Variants in ATP13A5 observed in about 807,000 individuals in gnomAD.
ATP13A5 encodes probable cation-transporting ATPase 13A5.
In ATP13A5, 149 loss-of-function variants were observed where a neutral mutation model predicts 150.2. The observed-to-expected ratio is 0.99, with a 90% CI of 0.87 to 1.14. The LOEUF is 1.14. Ranked by LOEUF, ATP13A5 falls within the 50% of genes most tolerant of loss-of-function variation. The pLI, the probability that ATP13A5 is intolerant of heterozygous loss-of-function variation, is 0.00. For synonymous variants in ATP13A5, 497 were observed against 522.2 expected, an observed-to-expected ratio of 0.95 and a Z score of 0.66; for missense variants, 1,383 against 1,449.3, an observed-to-expected ratio of 0.95 and a Z score of 0.74.
At chr3:193,298,759 A>T (rs1273757437) in intron 25 of ATP13A5, among the ~76,000 whole-genome samples, 2 of 152,144 alleles carry the variant, frequency 1.3e-5, no homozygotes, top group Non-Finnish European at 2.9e-5. Context: ...CACATCAAAG[A>T]CCTAGAAAAA....
chr3:193,303,478 G>T (rs1000300791), intron 23 of ATP13A5, among the ~76,000 whole-genome samples: 19 of 151,996 alleles, frequency 1.3e-4, no homozygotes, highest in African/African-American at 4.4e-4. Flanking sequence ...TATAAAACAT[G>T]CCTGATGCAT....
chr3:193,356,851 T>C (rs1358693773), intron 5 of ATP13A5, among the ~76,000 whole-genome samples: 1 of 152,184 alleles, frequency 6.6e-6, no homozygotes, highest in African/African-American at 2.4e-5. Context: ...TGTCTTGCTC[T>C]GTCGCCCAGG....
At chr3:193,296,347 C>G (rs1718169509) in intron 25 of ATP13A5, among the ~76,000 whole-genome samples, 1 of 151,930 alleles carries the variant, frequency 6.6e-6, no homozygotes, top group Admixed American at 6.6e-5. Context: ...GGGCATTTGA[C>G]AGGATATTTT....
chr3:193,327,679 G>T (rs778928647), intron 12 of ATP13A5, among the ~76,000 whole-genome samples: 1 of 152,202 alleles, frequency 6.6e-6, no homozygotes, highest in Non-Finnish European at 1.5e-5. Context: ...TACTATGGGA[G>T]AGTATTTGTT....
intron 1 of ATP13A5, among the ~76,000 whole-genome samples, chr3:193,371,877 G>T (rs1435025465): frequency 2.6e-5 from 4 of 151,904 alleles, no homozygotes; most frequent in African/African-American, 9.7e-5. Flanking sequence ...TTTTTCCATA[G>T]AACATAATAT....
chr3:193,357,043 T>G (rs1362845381), intron 5 of ATP13A5, among the ~76,000 whole-genome samples: 1 of 152,152 alleles, frequency 6.6e-6, no homozygotes, highest in Non-Finnish European at 1.5e-5. Flanking sequence ...CTCAAACCCC[T>G]GACCTCGTGA....
chr3:193,296,949 G>A (rs372769065), intron 25 of ATP13A5, among the ~76,000 whole-genome samples: 3 of 152,104 alleles, frequency 2.0e-5, no homozygotes, highest in East Asian at 1.9e-4. Flanking sequence ...GACAAAACAC[G>A]CTGGGGCCTG....
chr3:193,349,477 A>G (rs60565040), intron 7 of ATP13A5, among the ~76,000 whole-genome samples: 82,172 of 147,938 alleles, frequency 0.56, 22,457 homozygotes, highest in African/African-American at 0.62. Context: ...ACAATAAACC[A>G]TAAAGGAAAG....
At chr3:193,337,595 T>C (rs1711931901) in intron 9 of ATP13A5, among the ~76,000 whole-genome samples, 1 of 152,254 alleles carries the variant, frequency 6.6e-6, no homozygotes, top group Admixed American at 6.5e-5. Flanking sequence ...TCTATGTCTC[T>C]GTTTTGGTAC....
intron 1 of ATP13A5, among the ~76,000 whole-genome samples, chr3:193,370,900 C>G (rs1713415910): frequency 6.6e-6 from 1 of 152,182 alleles, no homozygotes; most frequent in African/African-American, 2.4e-5. Flanking sequence ...AAAAACTTTT[C>G]ACTATCTAGC....
intron 21 of ATP13A5, among the ~76,000 whole-genome samples, chr3:193,308,045 A>G (rs1211881142): frequency 6.6e-6 from 1 of 152,256 alleles, no homozygotes; most frequent in African/African-American, 2.4e-5. Context: ...TTAAAGACTT[A>G]GCTGCATTTT....
chr3:193,276,047 C>G (rs959911394), intron 29 of ATP13A5, among the ~76,000 whole-genome samples: 3 of 152,132 alleles, frequency 2.0e-5, no homozygotes, highest in Non-Finnish European at 4.4e-5. Context: ...TAAGTGCCTT[C>G]ATACATGTAG....
At chr3:193,348,135 A>G (rs1282927971) in intron 7 of ATP13A5, among the ~76,000 whole-genome samples, 3 of 152,208 alleles carry the variant, frequency 2.0e-5, no homozygotes, top group Non-Finnish European at 4.4e-5. Flanking sequence ...ACGGGTTTCT[A>G]TGGCAACCAA....
intron 9 of ATP13A5, among the ~76,000 whole-genome samples, chr3:193,343,012 T>C (rs1182760530): frequency 6.6e-6 from 1 of 152,210 alleles, no homozygotes; most frequent in Non-Finnish European, 1.5e-5. Flanking sequence ...ATATTTATGT[T>C]AACTACATTT....
intron 12 of ATP13A5, 33 bp from the exon 13 acceptor site, chr3:193,327,090 G>T (rs1407826576): frequency 6.4e-7 from 1 of 1,562,818 alleles, no homozygotes; most frequent in Non-Finnish European, 8.7e-7. Context: ...ATTAGCATAA[G>T]ATTTAAAGCT....
chr3:193,331,205 C>G lies in ATP13A5; in HGVS notation c.1379G>C (p.Arg460Thr). 6.2e-7 allele frequency: 1 copy of G among 1,614,064 alleles called. No homozygotes were observed. The highest frequency in any genetic ancestry group is 1.1e-5 in the South Asian group (1 of 91,066). Residue 460 changes from arginine (R) to threonine (T), a missense_variant, in exon 12 of 30, where the codon AGA becomes ACA. By Grantham distance (71) the Arg-to-Thr change is moderately conservative. Around this residue, in one of 3 missense-constraint regions of ATP13A5, gnomAD observed 787 missense variants for 771.9 expected, o/e 1.02. Coordinates refer to ENST00000342358, the MANE Select transcript of ATP13A5 (RefSeq NM_198505.4). The part of the protein sequence containing the change: ...LTIGNVYAQK[R>T]LKKKKIFCIS... ...ACAGAAGATTTTCTTTTTCTTCAGT[C>G]TCTTCTGAGCATACACGTTGCCTAT...
At chr3:193,359,380 G>T (rs1256681378) in intron 5 of ATP13A5, among the ~76,000 whole-genome samples, 1 of 152,050 alleles carries the variant, frequency 6.6e-6, no homozygotes, top group Non-Finnish European at 1.5e-5. Flanking sequence ...GCCTCTCTCT[G>T]TCCTTCTCTC....
intron 5 of ATP13A5, 30 bp downstream of exon 5, chr3:193,362,351 T>A: frequency 1.3e-6 from 2 of 1,583,542 alleles, no homozygotes; most frequent in Non-Finnish European, 1.7e-6. Context: ...GCTGGCAGAG[T>A]TTACTCTTAA....
At chr3:193,308,088 A>C (rs1718686788) in intron 21 of ATP13A5, among the ~76,000 whole-genome samples, 2 of 152,336 alleles carry the variant, frequency 1.3e-5, no homozygotes, top group Non-Finnish European at 2.9e-5. Context: ...CAATAAGGAG[A>C]AAAAATAAAG....
Sources: gnomAD v4.1 joint callset for allele counts (sites outside exome capture counted in the v4.1 genomes callset) on GRCh38, gnomAD v4.1.1 for gene constraint, gnomAD v4.1.1 regional missense constraint, MANE v1.5 for transcripts, NCBI Gene and HGNC (gene_info 2026-07-23, HGNC 2026-07-21) for gene names.